SPAG16: variants seen among roughly 807,000 people sequenced by gnomAD.
SPAG16 encodes sperm-associated antigen 16 protein.
A neutral mutation model predicts 80.4 loss-of-function variants in SPAG16; 86 were observed. That is an observed-to-expected ratio of 1.07 (90% CI 0.90 to 1.28). The LOEUF is 1.28. Among genes scored for constraint, SPAG16 ranks in the 50% most tolerant of loss-of-function variants. SPAG16 has a pLI of 0.00. For missense variants in SPAG16, 870 were observed against 765.3 expected, an observed-to-expected ratio of 1.14 and a Z score of -1.61; for synonymous variants, 294 against 265.9, an observed-to-expected ratio of 1.11 and a Z score of -1.03.
intron 15 of SPAG16, among the ~76,000 whole-genome samples, chr2:214,220,413 C>T (rs149977861): frequency 1.3e-5 from 2 of 152,216 alleles, no homozygotes; most frequent in Admixed American, 1.3e-4. Context: ...CACGGAAAAG[C>T]TTAATGTTTG....
At position 214,196,784 on chromosome 2, in the gene SPAG16, T is replaced by G. The variant is rs2057852538; in HGVS notation, c.1720+47518T>G. On this transcript the variant is annotated intron_variant, in intron 15 of 15. Transcript: ENST00000331683. The stretch of plus-strand genomic sequence containing the variant: ...AAGCAGAATACTAATTTAGCTGAGC[T>G]AAGAATAATGTAGGGAAAACCTGAA... Among the ~76,000 whole-genome samples, 4 of 152,190 alleles carry G rather than the reference T, an allele frequency of 2.6e-5. No homozygotes were observed. In the South Asian group the frequency reaches 6.2e-4, roughly 24 times the overall value.
intron 10 of SPAG16, among the ~76,000 whole-genome samples, chr2:213,755,017 G>T (rs2068257477): frequency 6.6e-6 from 1 of 152,120 alleles, no homozygotes; most frequent in Admixed American, 6.6e-5. Context: ...ATGTCTAAAA[G>T]GTACTGAGAT....
At chr2:213,820,087 A>G (rs1242612057) in intron 10 of SPAG16, among the ~76,000 whole-genome samples, 1 of 150,498 alleles carries the variant, frequency 6.6e-6, no homozygotes, top group Non-Finnish European at 1.5e-5. Context: ...GCTTTTATTT[A>G]TTTTTGAGAT....
chr2:214,400,955 T>C (rs1290776134), intron 15 of SPAG16, among the ~76,000 whole-genome samples: 1 of 152,062 alleles, frequency 6.6e-6, no homozygotes, highest in Non-Finnish European at 1.5e-5. Flanking sequence ...AAAGAAAAGT[T>C]AGGACCCTTT....
At chr2:213,774,865 A>G (rs1486839906) in intron 10 of SPAG16, among the ~76,000 whole-genome samples, 5 of 152,174 alleles carry the variant, frequency 3.3e-5, no homozygotes, top group African/African-American at 1.2e-4. Flanking sequence ...AATGGTCTAA[A>G]AGCAGAATCA....
chr2:213,450,714 C>T (rs974334790), intron 9 of SPAG16, among the ~76,000 whole-genome samples: 1 of 152,004 alleles, frequency 6.6e-6, no homozygotes, highest in African/African-American at 2.4e-5. Context: ...AGTTTATGTG[C>T]ACAAAACTAT....
At chr2:213,720,570 G>A (rs553737966) in intron 10 of SPAG16, among the ~76,000 whole-genome samples, 19 of 151,356 alleles carry the variant, frequency 1.3e-4, no homozygotes, top group African/African-American at 4.4e-4. Context: ...CCTGGGAGGC[G>A]GAGCTTGCAG....
chr2:214,097,465 A>G (rs2052668930), intron 13 of SPAG16, among the ~76,000 whole-genome samples: 1 of 152,086 alleles, frequency 6.6e-6, no homozygotes, highest in Admixed American at 6.6e-5. Flanking sequence ...AACAGTGCAC[A>G]AAACTTTATG....
chr2:214,134,179 C>G (rs2054926499), intron 14 of SPAG16, among the ~76,000 whole-genome samples: 1 of 152,154 alleles, frequency 6.6e-6, no homozygotes, highest in Non-Finnish European at 1.5e-5. Context: ...CACATAGCAC[C>G]TGTTCTTTCC....
At chr2:213,888,561 G>A (rs1339278160) in intron 11 of SPAG16, among the ~76,000 whole-genome samples, 1 of 151,416 alleles carries the variant, frequency 6.6e-6, no homozygotes, top group African/African-American at 2.4e-5. Flanking sequence ...CATATTAATA[G>A]GACAATGTAA....
chr2:213,696,001 T>C (rs1381060748), intron 10 of SPAG16, among the ~76,000 whole-genome samples: 1 of 152,132 alleles, frequency 6.6e-6, no homozygotes, highest in Non-Finnish European at 1.5e-5. Context: ...ATTCAAGTAA[T>C]GTAGGTGAGA....
At chr2:213,657,129 G>A (rs1274537389) in intron 10 of SPAG16, among the ~76,000 whole-genome samples, 1 of 152,090 alleles carries the variant, frequency 6.6e-6, no homozygotes, top group Admixed American at 6.5e-5. Flanking sequence ...TACCAAGGCA[G>A]AGTTTATTAG....
intron 10 of SPAG16, among the ~76,000 whole-genome samples, chr2:213,532,865 T>C (rs753311641): frequency 6.6e-6 from 1 of 152,188 alleles, no homozygotes; most frequent in Non-Finnish European, 1.5e-5. Flanking sequence ...GCTTCTATCT[T>C]ATAACCATTT....
At chr2:213,562,233 A>T (rs1406953842) in intron 10 of SPAG16, among the ~76,000 whole-genome samples, 1 of 152,208 alleles carries the variant, frequency 6.6e-6, no homozygotes, top group Non-Finnish European at 1.5e-5. Flanking sequence ...AAGAAAGTTC[A>T]TGTGTTTCTA....
intron 9 of SPAG16, among the ~76,000 whole-genome samples, chr2:213,488,644 GA>G (rs533309181): frequency 1.3e-5 from 2 of 151,996 alleles, no homozygotes; most frequent in East Asian, 1.9e-4. Context: ...GAGAAAGATG[GA>G]AAAAAATTAA....
At chr2:213,344,217 T>C (rs1186858701) in intron 6 of SPAG16, among the ~76,000 whole-genome samples, 2 of 152,012 alleles carry the variant, frequency 1.3e-5, no homozygotes, top group African/African-American at 4.8e-5. Context: ...TGCAGAAAAA[T>C]TGAGGCTATT....
intron 5 of SPAG16, among the ~76,000 whole-genome samples, chr2:213,332,341 G>T (rs1237734032): frequency 6.6e-6 from 1 of 152,086 alleles, no homozygotes; most frequent in African/African-American, 2.4e-5. Context: ...AAACCATGAA[G>T]AAATACAAAA....
intron 10 of SPAG16, among the ~76,000 whole-genome samples, chr2:213,620,281 GTTTTTTTTTTTT>G (rs36059669): frequency 2.3e-4 from 19 of 82,822 alleles, no homozygotes; most frequent in African/African-American, 1.0e-3. Flanking sequence ...AATTTATTGA[GTTTTTTTTTTTT>G]TTTTTTTTTT....
intron 13 of SPAG16, among the ~76,000 whole-genome samples, chr2:214,066,129 T>C (rs376402546): frequency 5.9e-5 from 9 of 152,288 alleles, no homozygotes; most frequent in African/African-American, 1.7e-4. Context: ...TGTTCTTAAA[T>C]CTTGCTAATT....
Sources: gnomAD v4.1 joint callset for allele counts (sites outside exome capture counted in the v4.1 genomes callset) on GRCh38, gnomAD v4.1.1 for gene constraint, MANE v1.5 for transcripts, NCBI Gene and HGNC (gene_info 2026-07-23, HGNC 2026-07-21) for gene names.